INPP4B: variants seen among roughly 807,000 people sequenced by gnomAD.
INPP4B encodes the protein inositol polyphosphate 4-phosphatase type II.
In INPP4B, 55 loss-of-function variants were observed where a neutral mutation model predicts 122.5. That is an observed-to-expected ratio of 0.45 (90% CI 0.36 to 0.56). INPP4B has a LOEUF of 0.56. Among genes scored for constraint, INPP4B ranks in the 20% least tolerant of loss-of-function variants. INPP4B has a pLI of 0.00. For missense variants in INPP4B, 1,000 were observed against 1,097.7 expected, an observed-to-expected ratio of 0.91 and a Z score of 1.26; for synonymous variants, 403 against 388.7, an observed-to-expected ratio of 1.04 and a Z score of -0.43.
intron 25 of INPP4B, among the ~76,000 whole-genome samples, chr4:142,063,766 G>A (rs1324865744): frequency 6.6e-6 from 1 of 151,986 alleles, no homozygotes; most frequent in Non-Finnish European, 1.5e-5. Flanking sequence ...GGTTATTAGT[G>A]TACTTTTGTT....
chr4:142,762,056 C>T (rs1353914866), intron 1 of INPP4B, among the ~76,000 whole-genome samples: 3 of 151,090 alleles, frequency 2.0e-5, no homozygotes, highest in African/African-American at 7.4e-5. Context: ...AGTTGACTGA[C>T]CTTAATCTTC....
intron 11 of INPP4B, among the ~76,000 whole-genome samples, chr4:142,249,034 CCT>C (rs1398684276): frequency 2.6e-5 from 4 of 151,582 alleles, no homozygotes; most frequent in Non-Finnish European, 5.9e-5. Flanking sequence ...GTGGTTTAAC[CCT>C]ATTTGGTGAA....
chr4:142,362,662 A>T lies in INPP4B; in HGVS notation c.372+40276T>A, dbSNP rs576204085. 2.6e-5 allele frequency among the ~76,000 whole-genome samples: 4 copies of T among 152,148 alleles called. No individual in the cohort carries two copies. In the East Asian group the frequency reaches 7.8e-4, roughly 30 times the overall value. On this transcript the variant is annotated intron_variant, in intron 7 of 25. Coordinates refer to ENST00000262992, the MANE Select transcript of INPP4B (RefSeq NM_001101669.3). ...CCTTGGAATATTACACAGCCATAAA[A>T]AAATGAAATCATGTCCTCTGCAGCA...
At chr4:142,556,992 C>T (rs1463741404) in intron 2 of INPP4B, among the ~76,000 whole-genome samples, 1 of 152,144 alleles carries the variant, frequency 6.6e-6, no homozygotes, top group Non-Finnish European at 1.5e-5. Context: ...CTCCTCAAAG[C>T]TGCCCTGTCG....
intron 8 of INPP4B, among the ~76,000 whole-genome samples, chr4:142,306,229 GTTTT>G (rs5862582): frequency 6.0e-4 from 82 of 135,906 alleles, no homozygotes; most frequent in African/African-American, 1.7e-3. Context: ...ACTCCAAATT[GTTTT>G]TTTTTTTTTT....
At chr4:142,781,917 GTT>G (rs1474797926) in intron 1 of INPP4B, among the ~76,000 whole-genome samples, 2 of 151,860 alleles carry the variant, frequency 1.3e-5, no homozygotes, top group Non-Finnish European at 2.9e-5. Context: ...CTGGTCACTG[GTT>G]CAGCTGAAAT....
Position 142,128,192 on chromosome 4 carries a change from A to T in INPP4B, c.1721-3432T>A, listed in dbSNP as rs375404911. 1.2e-4 allele frequency among the ~76,000 whole-genome samples: 18 copies of T among 145,198 alleles called. 1 individual carries two copies. The South Asian group carries it at 4.1e-3, about 33-fold the overall frequency. Reference sequence around the variant, plus strand: ...AAAGATGAAGGTAGTATTCATTCATATATAAATATATATATGTGTGTGTGT... The same window carrying T: ...AAAGATGAAGGTAGTATTCATTCATTTATAAATATATATATGTGTGTGTGT... On this transcript the variant is annotated intron_variant, in intron 18 of 25. Transcript: ENST00000262992.
chr4:142,518,547 C>T (rs1479338406), intron 2 of INPP4B, among the ~76,000 whole-genome samples: 1 of 152,132 alleles, frequency 6.6e-6, no homozygotes, highest in Non-Finnish European at 1.5e-5. Context: ...TTGTCACATT[C>T]TGTTACACAC....
At chr4:142,368,173 G>C (rs1788289955) in intron 7 of INPP4B, among the ~76,000 whole-genome samples, 1 of 152,118 alleles carries the variant, frequency 6.6e-6, no homozygotes, top group Admixed American at 6.6e-5. Flanking sequence ...TAAAATAGCA[G>C]ATTCTTTTCT....
Position 142,359,548 on chromosome 4 carries a change from A to G in INPP4B, c.372+43390T>C, listed in dbSNP as rs1784723210. 2.0e-5 allele frequency among the ~76,000 whole-genome samples: 3 copies of G among 151,948 alleles called. 1 individual carries two copies. The South Asian group carries it at 6.2e-4, about 32-fold the overall frequency. Reference sequence around the variant, plus strand: ...CCCATTTTTACCCTCCCAAATTCCTATTCCTTTATTTTCACTGATTGTAAC... The same window carrying G: ...CCCATTTTTACCCTCCCAAATTCCTGTTCCTTTATTTTCACTGATTGTAAC... On this transcript the variant is annotated intron_variant, in intron 7 of 25. Coordinates refer to ENST00000262992, the MANE Select transcript of INPP4B (RefSeq NM_001101669.3).
intron 3 of INPP4B, among the ~76,000 whole-genome samples, chr4:142,436,914 T>C (rs1051734968): frequency 1.3e-5 from 2 of 151,490 alleles, no homozygotes; most frequent in African/African-American, 4.9e-5. Flanking sequence ...GAGGATGAGA[T>C]GGATAAATTG....
intron 12 of INPP4B, among the ~76,000 whole-genome samples, chr4:142,217,741 G>C (rs11935366): frequency 0.057 from 8,747 of 152,198 alleles, 858 homozygotes; most frequent in African/African-American, 0.2. Flanking sequence ...ATTAACATTT[G>C]AATCGGTAGC....
chr4:142,423,630 A>T (rs1019226260), intron 5 of INPP4B: 10 of 253,852 alleles, frequency 3.9e-5, no homozygotes, highest in African/African-American at 1.9e-4. Flanking sequence ...TCATTGTACC[A>T]GTACATATTG....
intron 7 of INPP4B, among the ~76,000 whole-genome samples, chr4:142,382,615 A>ATATATACATAAATATATATATTTATATAT (rs1561975832): frequency 2.7e-5 from 3 of 110,908 alleles, no homozygotes; most frequent in East Asian, 2.6e-4. Context: ...TTTATATATT[A>ATATATACATAAATATATATATTTATATAT]TATATATACT....
At chr4:142,227,562 A>G (rs1852108493) in intron 12 of INPP4B, among the ~76,000 whole-genome samples, 1 of 152,134 alleles carries the variant, frequency 6.6e-6, no homozygotes, top group African/African-American at 2.4e-5. Context: ...GTATTCATGA[A>G]AAATTTGAAA....
At chr4:142,076,215 G>A (rs986835299) in intron 25 of INPP4B, among the ~76,000 whole-genome samples, 1 of 152,002 alleles carries the variant, frequency 6.6e-6, no homozygotes, top group Non-Finnish European at 1.5e-5. Flanking sequence ...TGACAATCTT[G>A]TCAGGCATGA....
chr4:142,079,135 C>A (rs1315237890), intron 25 of INPP4B, among the ~76,000 whole-genome samples: 1 of 151,934 alleles, frequency 6.6e-6, no homozygotes, highest in African/African-American at 2.4e-5. Context: ...ATAACTTAAA[C>A]TACATCTTGA....
intron 5 of INPP4B, among the ~76,000 whole-genome samples, chr4:142,416,103 T>G (rs1805705626): frequency 1.3e-5 from 2 of 152,084 alleles, no homozygotes; most frequent in Admixed American, 1.3e-4. Flanking sequence ...TGTATACATA[T>G]GTAACTAACC....
chr4:142,195,530 T>C (rs1351286429), intron 14 of INPP4B, among the ~76,000 whole-genome samples: 5 of 152,226 alleles, frequency 3.3e-5, no homozygotes, highest in African/African-American at 4.8e-5. Flanking sequence ...GATAGTTTCA[T>C]GCGGGTATGC....
Sources: allele counts gnomAD v4.1 joint callset (sites outside exome capture counted in the v4.1 genomes callset), GRCh38; gene constraint gnomAD v4.1.1; transcripts MANE v1.5; gene names NCBI Gene and HGNC (gene_info 2026-07-23, HGNC 2026-07-21).